TBXAS1: variants seen among roughly 807,000 people sequenced by gnomAD.
The protein encoded by TBXAS1 is thromboxane A synthase 1.
A neutral mutation model predicts 60.7 loss-of-function variants in TBXAS1; 48 were observed. That is an observed-to-expected ratio of 0.79 (90% CI 0.63 to 1.01). The LOEUF is 1.01. TBXAS1 is among the 50% of genes least tolerant of loss of function. The pLI is 0.00. For missense variants in TBXAS1, 685 were observed against 686.3 expected (o/e 1.00, Z 0.02); for synonymous variants, 287 against 269.7 (o/e 1.06, Z -0.63).
intron 8 of TBXAS1, among the ~76,000 whole-genome samples, chr7:139,958,711 G>A (rs899795291): frequency 1.3e-5 from 2 of 152,220 alleles, no homozygotes; most frequent in Non-Finnish European, 2.9e-5. Context: ...GCAGCTTCAC[G>A]CCCGGAGAAC....
At chr7:139,921,978 A>T (rs1481944255) in intron 4 of TBXAS1, among the ~76,000 whole-genome samples, 2 of 152,052 alleles carry the variant, frequency 1.3e-5, no homozygotes, top group African/African-American at 4.8e-5. Context: ...CTTAGCCAGC[A>T]CTTTCATCTT....
Position 139,875,656 on chromosome 7 carries a change from G to A in TBXAS1, c.236+19G>A, listed in dbSNP as rs376496895. On this transcript the variant is annotated intron_variant, in intron 3 of 12. Coordinates refer to ENST00000448866, the MANE Select transcript of TBXAS1 (RefSeq NM_001061.7). ...TGTGTGGGTAAGAAGGAAACTCAAC[G>A]TTTCTATTATGTACGATATTTTCTA... 15 of 1,613,038 alleles carry A rather than the reference G, an allele frequency of 9.3e-6. No individual in the cohort carries two copies. The highest frequency in any genetic ancestry group is 4.5e-5 in the East Asian group (2 of 44,892).
chr7:139,825,220 C>T (rs757099651), upstream of TBXAS1, among the ~76,000 whole-genome samples: 2 of 152,206 alleles, frequency 1.3e-5, no homozygotes, highest in Admixed American at 6.5e-5. Flanking sequence ...GTCTGACCTT[C>T]ATCCTAGAAA....
At chr7:139,882,894 A>G (rs1802803475) in intron 3 of TBXAS1, among the ~76,000 whole-genome samples, 1 of 152,248 alleles carries the variant, frequency 6.6e-6, no homozygotes. Context: ...TGAGTGAAAT[A>G]TCAATATTCT....
intron 3 of TBXAS1, among the ~76,000 whole-genome samples, chr7:139,901,097 C>G (rs893216158): frequency 1.3e-5 from 2 of 152,204 alleles, no homozygotes; most frequent in Non-Finnish European, 2.9e-5. Context: ...ACACCCAAAA[C>G]GAAAGCTATG....
intron 2 of TBXAS1, among the ~76,000 whole-genome samples, chr7:139,874,493 C>T (rs1030880445): frequency 2.0e-5 from 3 of 152,198 alleles, no homozygotes; most frequent in Non-Finnish European, 4.4e-5. Context: ...ATTTCGCTGA[C>T]TATTTTTATA....
chr7:139,918,162 G>C (rs1157962792), intron 4 of TBXAS1, among the ~76,000 whole-genome samples: 2 of 152,122 alleles, frequency 1.3e-5, no homozygotes, highest in African/African-American at 4.8e-5. Flanking sequence ...AAATGTCTTT[G>C]ATTTTAGTTT....
At chr7:139,854,948 C>T (rs141015082) in intron 1 of TBXAS1, among the ~76,000 whole-genome samples, 6 of 152,272 alleles carry the variant, frequency 3.9e-5, no homozygotes, top group East Asian at 3.9e-4. Flanking sequence ...TTCACACCTC[C>T]GCATCCTGCT....
At position 140,020,119 on chromosome 7, in the gene TBXAS1, G is replaced by A. The variant is rs781010819; in HGVS notation, c.*20G>A. 1 of 1,611,550 alleles carries A rather than the reference G, an allele frequency of 6.2e-7. No individual in the cohort carries two copies. The highest frequency in any genetic ancestry group is 8.5e-7 in the Non-Finnish European group (1 of 1,177,848). On this transcript the variant is annotated 3_prime_UTR_variant, in exon 13 of 13. Coordinates refer to ENST00000448866, the MANE Select transcript of TBXAS1 (RefSeq NM_001061.7). ...CGCTGACACAGAAGGCTGCCGGGTG[G>A]GGGGAGGGCACCCCCAAATTCAAAG...
intron 4 of TBXAS1, among the ~76,000 whole-genome samples, chr7:139,807,147 C>T (rs758804227): frequency 6.6e-6 from 1 of 152,198 alleles, no homozygotes; most frequent in Non-Finnish European, 1.5e-5. Flanking sequence ...AAGCCTCCAG[C>T]GCCAGCTCTT....
chr7:139,810,516 T>C (rs367839027), intron 4 of TBXAS1, among the ~76,000 whole-genome samples: 2 of 152,208 alleles, frequency 1.3e-5, no homozygotes, highest in African/African-American at 4.8e-5. Flanking sequence ...GTATTGACAA[T>C]GTTTTTTGAG....
intron 9 of TBXAS1, among the ~76,000 whole-genome samples, chr7:139,966,237 G>A (rs1249742564): frequency 6.6e-6 from 1 of 152,134 alleles, no homozygotes; most frequent in Admixed American, 6.5e-5. Flanking sequence ...TTTTCCCTGA[G>A]CAATTTCTTT....
chr7:139,875,018 C>A (rs948693083), intron 2 of TBXAS1, among the ~76,000 whole-genome samples: 3 of 152,274 alleles, frequency 2.0e-5, no homozygotes, highest in Non-Finnish European at 2.9e-5. Flanking sequence ...TCGCTTGAAT[C>A]CGGGAGGTGG....
chr7:140,019,475 C>T (rs974730365), intron 12 of TBXAS1, among the ~76,000 whole-genome samples: 1 of 152,184 alleles, frequency 6.6e-6, no homozygotes, highest in African/African-American at 2.4e-5. Context: ...CCCGTTCTTC[C>T]TTGTCTGCTC....
chr7:139,782,261 T>A (rs1486982165), intron 2 of TBXAS1, among the ~76,000 whole-genome samples: 2 of 152,022 alleles, frequency 1.3e-5, no homozygotes, highest in Admixed American at 1.3e-4. Flanking sequence ...CCATTTAACT[T>A]CAGGGTGCAT....
chr7:139,837,838 AC>A (rs1309231692), intron 1 of TBXAS1, among the ~76,000 whole-genome samples: 1 of 152,174 alleles, frequency 6.6e-6, no homozygotes, highest in Non-Finnish European at 1.5e-5. Context: ...ACAAAACAAA[AC>A]AAAAAAGCAA....
At chr7:139,866,080 GA>G (rs917382692) in intron 1 of TBXAS1, among the ~76,000 whole-genome samples, 9 of 152,246 alleles carry the variant, frequency 5.9e-5, no homozygotes, top group African/African-American at 2.2e-4. Flanking sequence ...TTACAAATTA[GA>G]AAAAAGTTTT....
At chr7:139,939,396 C>G (rs922648615) in intron 5 of TBXAS1, among the ~76,000 whole-genome samples, 52 of 128,560 alleles carry the variant, frequency 4.0e-4, no homozygotes, top group Middle Eastern at 8.5e-3. Context: ...AAAAAAAAAG[C>G]CAAGAGGTAG....
chr7:139,969,362 C>T (rs1811022471), intron 9 of TBXAS1, among the ~76,000 whole-genome samples: 2 of 145,164 alleles, frequency 1.4e-5, no homozygotes, highest in South Asian at 4.4e-4. Context: ...GTTATTTCAG[C>T]TTATTAGCTC....
Sources: allele counts gnomAD v4.1 joint callset (sites outside exome capture counted in the v4.1 genomes callset), GRCh38; gene constraint gnomAD v4.1.1; transcripts MANE v1.5; gene names NCBI Gene and HGNC (gene_info 2026-07-23, HGNC 2026-07-21).